Variants in DOK6 observed in about 807,000 individuals in gnomAD.
DOK6 encodes the protein downstream of tyrosine kinase 6.
A neutral mutation model predicts 44.0 loss-of-function variants in DOK6; 22 were observed. The observed-to-expected ratio is 0.50, with a 90% CI of 0.36 to 0.71. The LOEUF is 0.71. DOK6 is among the 30% of genes least tolerant of loss of function. DOK6 has a pLI of 0.00. For synonymous variants in DOK6, 166 were observed against 145.5 expected, an observed-to-expected ratio of 1.14 and a Z score of -1.01; for missense variants, 340 against 416.4, an observed-to-expected ratio of 0.82 and a Z score of 1.60.
chr18:69,438,974 A>G (rs1202256048), intron 1 of DOK6, among the ~76,000 whole-genome samples: 1 of 152,126 alleles, frequency 6.6e-6, no homozygotes, highest in Non-Finnish European at 1.5e-5. Context: ...CGGGAGGCTG[A>G]GGTGGGAGAA....
chr18:69,742,250 A>G lies in DOK6; in HGVS notation c.738+3147A>G, dbSNP rs571864238. On this transcript the variant is annotated intron_variant, in intron 6 of 7. Coordinates refer to ENST00000382713, the MANE Select transcript of DOK6 (RefSeq NM_152721.6). ...ACCAACATGGAGAAACCCTGTCTCT[A>G]CTAAAAATACAAAATTAGCCAGGCA... Among the ~76,000 whole-genome samples the G allele has an allele frequency of 2.0e-5, 3 of 152,098 alleles. No individual in the cohort carries two copies. The East Asian group carries it at 5.8e-4, about 30-fold the overall frequency.
Position 69,841,984 on chromosome 18 carries a change from A to G in DOK6, c.*601A>G, listed in dbSNP as rs1273701518. On this transcript the variant is annotated 3_prime_UTR_variant, in exon 8 of 8. Transcript: ENST00000382713. Reference sequence around the variant, plus strand: ...TGTGCGTGTGTGTGTGTGTGTGTAGACAAATGGATATTGCTATATCCATCT... The same window carrying G: ...TGTGCGTGTGTGTGTGTGTGTGTAGGCAAATGGATATTGCTATATCCATCT... 1.1e-5 allele frequency: 1 copy of G among 89,966 alleles called. No individual in the cohort carries two copies. The highest frequency in any genetic ancestry group is 2.5e-5 in the Non-Finnish European group (1 of 40,152). 5.6% of individuals were successfully genotyped at this position (89,966 alleles called of 1,614,324 possible).
intron 7 of DOK6, among the ~76,000 whole-genome samples, chr18:69,775,855 A>C (rs1050193186): frequency 6.6e-6 from 1 of 151,948 alleles, no homozygotes; most frequent in South Asian, 2.1e-4. Flanking sequence ...GGCAAAACAC[A>C]AAGTTTTGGG....
intron 7 of DOK6, among the ~76,000 whole-genome samples, chr18:69,829,546 A>G (rs996714728): frequency 2.0e-5 from 3 of 152,098 alleles, no homozygotes; most frequent in African/African-American, 7.2e-5. Context: ...AGTTTATACT[A>G]TTAACCATTA....
chr18:69,592,075 T>G (rs1746526353), intron 2 of DOK6, among the ~76,000 whole-genome samples: 1 of 152,034 alleles, frequency 6.6e-6, no homozygotes, highest in Non-Finnish European at 1.5e-5. Flanking sequence ...GCTGTTTGTG[T>G]TGGTATTAAT....
intron 2 of DOK6, among the ~76,000 whole-genome samples, chr18:69,598,538 A>T (rs1466315066): frequency 6.6e-6 from 1 of 152,144 alleles, no homozygotes; most frequent in African/African-American, 2.4e-5. Context: ...ATGGATCTAG[A>T]AATAAGAAAT....
At position 69,401,195 on chromosome 18, in the gene DOK6, T is replaced by C; in HGVS notation, c.-50T>C. ...CAGACCCGGCGGCGGACGGCGGCTC[T>C]CGACTCCGGAGAGCGGATCGCGGGG... On this transcript the variant is annotated 5_prime_UTR_variant, in exon 1 of 8. Coordinates refer to ENST00000382713, the MANE Select transcript of DOK6 (RefSeq NM_152721.6). The C allele has an allele frequency of 1.3e-6, 2 of 1,505,656 alleles. No homozygotes were observed. The highest frequency in any genetic ancestry group is 1.3e-5 in the South Asian group (1 of 79,840). 93.3% of individuals were successfully genotyped at this position (1,505,656 alleles called of 1,614,324 possible).
At chr18:69,442,262 C>T (rs917414794) in intron 1 of DOK6, among the ~76,000 whole-genome samples, 49 of 152,064 alleles carry the variant, frequency 3.2e-4, no homozygotes, top group African/African-American at 9.7e-4. Context: ...TCTTAATATG[C>T]TTTGTGTATT....
At chr18:69,490,868 G>T (rs1482140705) in intron 1 of DOK6, among the ~76,000 whole-genome samples, 1 of 152,202 alleles carries the variant, frequency 6.6e-6, no homozygotes, top group Non-Finnish European at 1.5e-5. Context: ...ATTTCCAAGT[G>T]GGTTGAATTT....
At position 69,570,926 on chromosome 18, in the gene DOK6, T is replaced by C. The variant is rs534527166; in HGVS notation, c.174+6332T>C. Among the ~76,000 whole-genome samples the C allele has an allele frequency of 1.1e-4, 16 of 152,214 alleles. No homozygotes were observed. In the East Asian group the frequency reaches 3.1e-3, roughly 29 times the overall value. On this transcript the variant is annotated intron_variant, in intron 2 of 7. Transcript: ENST00000382713. ...ATACTCCAAAAGTGTTGAAAGTGAG[T>C]TCTTCAGGCAGATTATACCAGAGGA...
chr18:69,784,288 G>A (rs1249382522), intron 7 of DOK6, among the ~76,000 whole-genome samples: 1 of 151,922 alleles, frequency 6.6e-6, no homozygotes, highest in African/African-American at 2.4e-5. Context: ...AATGTATGTG[G>A]GCATAATAAT....
At chr18:69,503,959 T>C (rs140598878) in intron 1 of DOK6, among the ~76,000 whole-genome samples, 301 of 152,146 alleles carry the variant, frequency 2.0e-3, no homozygotes, top group African/African-American at 6.7e-3. Flanking sequence ...CTTTTGCAAA[T>C]TAAAGAACTA....
At chr18:69,690,487 G>GCTT (rs1328317798) in intron 4 of DOK6, among the ~76,000 whole-genome samples, 5 of 152,126 alleles carry the variant, frequency 3.3e-5, no homozygotes, top group African/African-American at 4.8e-5. Context: ...TGTGGTTTCA[G>GCTT]CTTCTAAAGC....
chr18:69,833,007 C>T (rs147949416), intron 7 of DOK6, among the ~76,000 whole-genome samples: 7 of 152,168 alleles, frequency 4.6e-5, no homozygotes, highest in Non-Finnish European at 2.9e-5. Context: ...TCTACAGATT[C>T]GATGCAATCC....
intron 3 of DOK6, chr18:69,662,362 G>A (rs1285726069): frequency 6.6e-6 from 1 of 152,170 alleles, no homozygotes; most frequent in African/African-American, 2.4e-5. Flanking sequence ...ACTTTACTCA[G>A]GATGTGTACT....
chr18:69,811,649 A>T (rs1981243102), intron 7 of DOK6, among the ~76,000 whole-genome samples: 1 of 150,822 alleles, frequency 6.6e-6, no homozygotes, highest in Non-Finnish European at 1.5e-5. Context: ...TTTTAAAAAG[A>T]TATGTAAGTG....
intron 1 of DOK6, among the ~76,000 whole-genome samples, chr18:69,543,911 A>G (rs1982332979): frequency 6.6e-6 from 1 of 151,410 alleles, no homozygotes; most frequent in African/African-American, 2.4e-5. Context: ...AAGCAAATAT[A>G]TTGAAGGGGT....
chr18:69,550,084 A>T (rs575752152), intron 1 of DOK6, among the ~76,000 whole-genome samples: 1 of 151,374 alleles, frequency 6.6e-6, no homozygotes, highest in Non-Finnish European at 1.5e-5. Context: ...CCAATCCAAA[A>T]TTTTACAAAC....
intron 7 of DOK6, among the ~76,000 whole-genome samples, chr18:69,817,749 A>C (rs900534537): frequency 1.3e-5 from 2 of 152,172 alleles, no homozygotes; most frequent in Non-Finnish European, 2.9e-5. Flanking sequence ...TTTTGGAAGG[A>C]ATGTGATCCG....
Sources: allele counts gnomAD v4.1 joint callset (sites outside exome capture counted in the v4.1 genomes callset), GRCh38; gene constraint gnomAD v4.1.1; transcripts MANE v1.5; gene names NCBI Gene and HGNC (gene_info 2026-07-23, HGNC 2026-07-21).